The following VPS13A variants were observed in gnomAD, a reference collection of about 807,000 sequenced individuals.
The protein encoded by VPS13A is vacuolar protein sorting 13 homolog A.
Under a neutral mutation model 390.9 loss-of-function variants are expected in VPS13A, and 264 were observed. That is an observed-to-expected ratio of 0.68 (90% CI 0.61 to 0.75). The LOEUF (loss-of-function observed/expected upper bound fraction) is 0.75, where lower values mean the gene tolerates loss of function less well. Ranked by LOEUF, VPS13A falls within the 30% of genes least tolerant of loss-of-function variation. VPS13A has a pLI of 0.00. For missense variants in VPS13A, 3,409 were observed against 3,733.9 expected, an observed-to-expected ratio of 0.91 and a Z score of 2.27; for synonymous variants, 1,231 against 1,227.1, an observed-to-expected ratio of 1.00 and a Z score of -0.07.
intron 71 of VPS13A, among the ~76,000 whole-genome samples, chr9:77,412,546 C>G (rs888191885): frequency 4.6e-5 from 7 of 152,144 alleles, no homozygotes; most frequent in African/African-American, 1.7e-4. Context: ...ATTCAACAAC[C>G]CTTCATCCTA....
intron 2 of VPS13A, among the ~76,000 whole-genome samples, chr9:77,200,389 T>A (rs978859094): frequency 2.0e-5 from 3 of 152,150 alleles, no homozygotes; most frequent in African/African-American, 7.2e-5. Context: ...CCAGGGAGGA[T>A]GAGGCAGGAG....
chr9:77,327,111 T>C (rs553014878), intron 45 of VPS13A, among the ~76,000 whole-genome samples: 3 of 152,282 alleles, frequency 2.0e-5, no homozygotes, highest in Non-Finnish European at 4.4e-5. Flanking sequence ...ATAGGGCTTA[T>C]GTAGTTTTTT....
At chr9:77,301,915 A>G (rs770555400) in intron 33 of VPS13A, among the ~76,000 whole-genome samples, 5 of 152,186 alleles carry the variant, frequency 3.3e-5, no homozygotes, top group South Asian at 4.1e-4. Context: ...TGTTTTTATA[A>G]TGATGTCTTA....
intron 22 of VPS13A, among the ~76,000 whole-genome samples, chr9:77,253,464 C>G (rs1302956474): frequency 6.6e-6 from 1 of 152,032 alleles, no homozygotes; most frequent in Non-Finnish European, 1.5e-5. Context: ...TGCCACCACG[C>G]CCAGCTAATT....
At chr9:77,325,984 C>A (rs1452811752) in intron 45 of VPS13A, among the ~76,000 whole-genome samples, 1 of 148,440 alleles carries the variant, frequency 6.7e-6, no homozygotes, top group African/African-American at 2.5e-5. Context: ...TGAATTCTTT[C>A]AGTTTTTTCA....
At chr9:77,295,319 G>A (rs1827918616) in intron 32 of VPS13A, among the ~76,000 whole-genome samples, 1 of 151,960 alleles carries the variant, frequency 6.6e-6, no homozygotes, top group South Asian at 2.1e-4. Context: ...ATTTAGCTTT[G>A]TTCTGAGGAC....
intron 67 of VPS13A, among the ~76,000 whole-genome samples, chr9:77,375,077 G>A (rs1194598746): frequency 1.3e-5 from 2 of 152,058 alleles, no homozygotes; most frequent in East Asian, 1.9e-4. Flanking sequence ...GTGTTGAGTC[G>A]TAGTCATCAG....
At chr9:77,246,707 T>C (rs1260863914) in intron 19 of VPS13A, among the ~76,000 whole-genome samples, 2 of 152,248 alleles carry the variant, frequency 1.3e-5, no homozygotes, top group East Asian at 3.9e-4. Context: ...CACATGCAAG[T>C]GAATGAATTA....
intron 1 of VPS13A, among the ~76,000 whole-genome samples, chr9:77,193,756 G>A (rs1471591282): frequency 6.6e-6 from 1 of 152,198 alleles, no homozygotes; most frequent in Admixed American, 6.5e-5. Flanking sequence ...TCTCATCTTT[G>A]TGGGCTGATG....
At position 77,332,092 on chromosome 9, in the gene VPS13A, A is replaced by G. The variant is rs371055567; in HGVS notation, c.6074A>G (p.Asn2025Ser). The change falls in exon 46 of 72, where the codon AAC (asparagine) becomes AGC (serine). Residue 2025 changes from asparagine to serine, a missense_variant. By Grantham distance (46) the Asn-to-Ser change is conservative (BLOSUM62 1). This residue lies in a region of VPS13A where 2,717 missense variants were observed against 2,917.4 expected (regional missense o/e 0.93). Transcript: ENST00000360280. ...LGTASPENEF[N>S]IPLGSYRSFI... is the part of the protein sequence containing the mutation. ...ACTGCCTCACCTGAAAATGAATTCA[A>G]CATACCATTAGGATCTTACCGGTAT... 91 of 1,611,238 alleles carry G rather than the reference A, an allele frequency of 5.6e-5. No individual in the cohort carries two copies. The highest frequency in any genetic ancestry group is 1.2e-4 in the African/African-American group (9 of 74,964).
intron 17 of VPS13A, among the ~76,000 whole-genome samples, chr9:77,232,582 GGA>G (rs990537065): frequency 1.3e-5 from 2 of 152,142 alleles, no homozygotes; most frequent in East Asian, 1.9e-4. Flanking sequence ...AATTTATAAA[GGA>G]GAGAGGTTTA....
At chr9:77,315,206 C>T in intron 37 of VPS13A, 47 bp from the exon 38 acceptor site, 1 of 1,525,728 alleles carries the variant, frequency 6.6e-7, no homozygotes, top group African/African-American at 1.4e-5. Flanking sequence ...TGTTTGATTA[C>T]TTCTAAGTTA....
intron 21 of VPS13A, among the ~76,000 whole-genome samples, chr9:77,251,989 G>T (rs1026733945): frequency 3.9e-5 from 6 of 151,998 alleles, no homozygotes; most frequent in African/African-American, 1.4e-4. Flanking sequence ...ACTACCTTTT[G>T]CATTATTGCT....
Position 77,186,625 on chromosome 9 carries a change from A to G in VPS13A, c.100+8821A>G, listed in dbSNP as rs148413151. Among the ~76,000 whole-genome samples, 399 of 152,224 alleles carry G rather than the reference A, an allele frequency of 2.6e-3. 2 individuals are homozygous for G. Among genetic ancestry groups the G allele is most frequent in the African/African-American group, 9.1e-3 (376 of 41,524 alleles). On this transcript the variant is annotated intron_variant, in intron 1 of 71. Transcript: ENST00000360280. The stretch of plus-strand genomic sequence containing the variant: ...GCTAATTTTTGTATTTTTAGTAGAA[A>G]TGGGGTTTCACTATGTTGACCAGAA...
chr9:77,407,748 G>A, intron 71 of VPS13A, 141 bp downstream of exon 71: 2 of 711,636 alleles, frequency 2.8e-6, no homozygotes, highest in Non-Finnish European at 4.8e-6. Flanking sequence ...GGTTTTAAAA[G>A]TATATGTAAC....
At chr9:77,293,676 T>G (rs1827808399) in intron 32 of VPS13A, among the ~76,000 whole-genome samples, 168 bp downstream of exon 32, 1 of 151,932 alleles carries the variant, frequency 6.6e-6, no homozygotes, top group Non-Finnish European at 1.5e-5. Context: ...CTTATTTATA[T>G]AACATCGTTT....
intron 13 of VPS13A, among the ~76,000 whole-genome samples, chr9:77,223,365 T>C: frequency 6.6e-6 from 1 of 151,956 alleles, no homozygotes; most frequent in Non-Finnish European, 1.5e-5. Flanking sequence ...AAATTGAAAG[T>C]TGGAAATAAT....
chr9:77,369,637 G>T (rs1360310150), intron 63 of VPS13A, among the ~76,000 whole-genome samples: 1 of 152,092 alleles, frequency 6.6e-6, no homozygotes, highest in Non-Finnish European at 1.5e-5. Flanking sequence ...AATTGTAAGT[G>T]TTCTCTTGGA....
At chr9:77,301,733 C>T (rs1310485599) in intron 33 of VPS13A, among the ~76,000 whole-genome samples, 2 of 152,106 alleles carry the variant, frequency 1.3e-5, no homozygotes, top group Non-Finnish European at 2.9e-5. Context: ...CATTCCTGAG[C>T]ATCAGTCTTA....
Sources: gnomAD v4.1 joint callset for allele counts (sites outside exome capture counted in the v4.1 genomes callset) on GRCh38, gnomAD v4.1.1 for gene constraint, gnomAD v4.1.1 regional missense constraint, MANE v1.5 for transcripts, NCBI Gene and HGNC (gene_info 2026-07-23, HGNC 2026-07-21) for gene names.